CARD10: variants seen among roughly 807,000 people sequenced by gnomAD.
CARD10 encodes the protein caspase recruitment domain-containing protein 10.
CARD10 carries 49 observed loss-of-function variants against 114.6 expected under a neutral mutation model. The ratio of observed to expected loss-of-function variants is 0.43; its 90% CI spans 0.34 to 0.54. The LOEUF is 0.54. Among genes scored for constraint, CARD10 ranks in the 20% least tolerant of loss-of-function variants. CARD10 has a pLI of 0.03. For synonymous variants in CARD10, 602 were observed against 593.2 expected (o/e 1.01, Z -0.21); for missense variants, 1,206 against 1,397.2 (o/e 0.86, Z 2.18).
At chr22:37,517,716 G>A (rs1346769439) in intron 2 of CARD10, among the ~76,000 whole-genome samples, 1 of 152,170 alleles carries the variant, frequency 6.6e-6, no homozygotes, top group Admixed American at 6.5e-5. Flanking sequence ...GTGTATGTCA[G>A]ACATATGTCT....
At chr22:37,509,051 AC>A in intron 4 of CARD10, 1 of 1,549,602 alleles carries the variant, frequency 6.5e-7, no homozygotes, top group Non-Finnish European at 8.7e-7. Flanking sequence ...ACCTACTCCC[AC>A]CCCCATGACT....
rs986821591 is a variant in CARD10 at position 37,501,741 on chromosome 22, A to G, written c.1787+861T>C. Among the ~76,000 whole-genome samples the G allele has an allele frequency of 6.6e-6, 1 of 152,230 alleles. No individual in the cohort carries two copies. Among genetic ancestry groups the G allele is most frequent in the Non-Finnish European group, 1.5e-5 (1 of 68,040 alleles). ...GCCCCAGTTACCTCCTCTATGGAGC[A>G]GAGATAATCGTCATTATGCCTACTC... On this transcript the variant is annotated intron_variant, in intron 11 of 19. Coordinates refer to ENST00000251973, the MANE Select transcript of CARD10 (RefSeq NM_014550.4). This position sits in a 1 kb window ranked among gnomAD's most constrained non-coding sequence, Gnocchi z 5.4.
Position 37,519,322 on chromosome 22 carries a change from C to T in CARD10, c.-122G>A. 1 of 1,340,158 alleles carries T rather than the reference C, an allele frequency of 7.5e-7. No individual in the cohort carries two copies. Among genetic ancestry groups the T allele is most frequent in the South Asian group, 1.9e-5 (1 of 53,206 alleles). 83.0% of individuals were successfully genotyped at this position (1,340,158 alleles called of 1,614,324 possible). A position where few individuals can be genotyped will look rare whatever the true frequency, so the allele number is the denominator to read the frequency against. On this transcript the variant is annotated 5_prime_UTR_variant, in exon 1 of 20. Coordinates refer to ENST00000251973, the MANE Select transcript of CARD10 (RefSeq NM_014550.4). The surrounding 1 kb of genome is among the most constrained non-coding windows in gnomAD (Gnocchi z 4.1). ...CGCAGACCCGCCGTCGGGGGCGCGC[C>T]CCGAGCTCCCCGCGACTCACCCCGC...
At chr22:37,500,701 C>A (rs1206381579) in intron 11 of CARD10, among the ~76,000 whole-genome samples, 1 of 152,176 alleles carries the variant, frequency 6.6e-6, no homozygotes, top group Non-Finnish European at 1.5e-5. Flanking sequence ...CAACCAGCTC[C>A]GAGGGGCCTG....
At chr22:37,510,851 CT>C (rs1463116037) in intron 3 of CARD10, among the ~76,000 whole-genome samples, 2 of 151,892 alleles carry the variant, frequency 1.3e-5, no homozygotes, top group Non-Finnish European at 2.9e-5. Flanking sequence ...GAGGCGGGCC[CT>C]CAGTGGATCA....
intron 4 of CARD10, 193 bp from the exon 5 acceptor site, chr22:37,508,875 C>G (rs957377727): frequency 4.0e-6 from 5 of 1,258,770 alleles, no homozygotes; most frequent in Non-Finnish European, 5.5e-6. Context: ...CAAGCCCTAC[C>G]CACCCTCCAG....
chr22:37,515,541 C>G (rs1569168145), intron 3 of CARD10, among the ~76,000 whole-genome samples: 1 of 125,008 alleles, frequency 8.0e-6, no homozygotes, highest in East Asian at 2.4e-4. Flanking sequence ...CCAGCCTGGG[C>G]AACAAGGGTG....
Position 37,505,516 on chromosome 22 carries a change from C to CA in CARD10, c.1383+675dup, listed in dbSNP as rs1170306809. The stretch of plus-strand genomic sequence containing the variant: ...GAAACCCCCATCCCTACTGAAAATA[C>CA]AAAAAAAAACTTAGCTGGGTATGGT... On this transcript the variant is annotated intron_variant, in intron 7 of 19. Transcript: ENST00000251973. Among the ~76,000 whole-genome samples, 14 of 148,534 alleles carry CA rather than the reference C, an allele frequency of 9.4e-5. No homozygotes were observed. The East Asian group carries it at 1.2e-3, about 13-fold the overall frequency.
chr22:37,492,443 C>A lies in CARD10; in HGVS notation c.2743G>T (p.Val915Phe). ...GSRIRAIQES[V>F]GKKHCLLELG... is the part of the protein sequence containing the mutation. ...CAGCCCCCAGCACCCACCTTCCCAA[C>A]AGACTCCTGGATGGCCCGGATCCTG... Residue 915 changes from valine to phenylalanine, a missense_variant, in exon 18 of 20, where the codon GTT becomes TTT. Physicochemically the swap from Val to Phe is conservative, Grantham distance 50 (BLOSUM62 -1). This residue lies in a region of CARD10 where 1,068 missense variants were observed against 1,179.1 expected (regional missense o/e 0.91). Transcript: ENST00000251973. The surrounding 1 kb of genome is among the most constrained non-coding windows in gnomAD (Gnocchi z 5.7). The A allele has an allele frequency of 6.4e-7, 1 of 1,565,230 alleles. No individual in the cohort carries two copies. The highest frequency in any genetic ancestry group is 8.7e-7 in the Non-Finnish European group (1 of 1,154,446).
At chr22:37,510,640 C>T in intron 3 of CARD10, 1 of 562,516 alleles carries the variant, frequency 1.8e-6, no homozygotes, top group Non-Finnish European at 3.2e-6. Context: ...AGGCCAAGGA[C>T]ACCCTCCCAG....
chr22:37,518,815 G>A, intron 1 of CARD10, 151 bp downstream of exon 1: 1 of 925,464 alleles, frequency 1.1e-6, no homozygotes. Flanking sequence ...GAGGAGGCAG[G>A]CTGGTGGGCA....
intron 5 of CARD10, 130 bp from the exon 6 acceptor site, chr22:37,508,084 G>T: frequency 2.8e-6 from 3 of 1,077,136 alleles, no homozygotes; most frequent in Non-Finnish European, 4.1e-6. Flanking sequence ...GTCCCCTCCT[G>T]CCCAGTGGAG....
chr22:37,516,320 C>T, intron 2 of CARD10, 22 bp from the exon 3 acceptor site: 4 of 1,520,724 alleles, frequency 2.6e-6, no homozygotes, highest in Non-Finnish European at 3.5e-6. Context: ...GAACAGGGGA[C>T]AGAATAGGCA....
rs1601808103 is a variant in CARD10 at position 37,494,433 on chromosome 22, G to A, written c.2374-245C>T. On this transcript the variant is annotated intron_variant, in intron 15 of 19. Transcript: ENST00000251973. ...TGGCCCCCGGGAAGCCAGCCCGTCT[G>A]AGCCTGGTGGAGGAGCCTTAGGTAT... The A allele has an allele frequency of 1.4e-5, 8 of 567,114 alleles. No homozygotes were observed. The East Asian group carries it at 1.8e-4, about 13-fold the overall frequency. 35.1% of individuals were successfully genotyped at this position (567,114 alleles called of 1,614,324 possible).
At chr22:37,518,904 G>C in intron 1 of CARD10, 62 bp downstream of exon 1, 3 of 1,462,494 alleles carry the variant, frequency 2.1e-6, no homozygotes, top group Middle Eastern at 2.0e-4. Flanking sequence ...ACACGGCTGT[G>C]GGCGCTGCGC....
intron 11 of CARD10, among the ~76,000 whole-genome samples, chr22:37,497,584 C>A (rs1209366265): frequency 1.3e-5 from 2 of 152,188 alleles, no homozygotes; most frequent in African/African-American, 4.8e-5. Flanking sequence ...TGTTATATAG[C>A]CAAGCACGGT....
intron 19 of CARD10, 83 bp downstream of exon 19, chr22:37,491,672 G>C (rs1258505368): frequency 4.6e-6 from 3 of 653,444 alleles, no homozygotes; most frequent in Non-Finnish European, 8.0e-6. Flanking sequence ...GAGGGAGAGA[G>C]AGGGGGGAGG....
intron 3 of CARD10, among the ~76,000 whole-genome samples, chr22:37,511,081 CAAAAA>C (rs869295765): frequency 3.3e-4 from 30 of 92,064 alleles, no homozygotes; most frequent in Middle Eastern, 5.8e-3. Context: ...GACTCTGTCT[CAAAAA>C]AAAAAAAAAA....
chr22:37,514,849 C>T (rs1372340305), intron 3 of CARD10: 1 of 152,304 alleles, frequency 6.6e-6, no homozygotes, highest in African/African-American at 2.4e-5. Context: ...TGGAACAACG[C>T]CCTGTGGCAG....
Sources: allele counts gnomAD v4.1 joint callset (sites outside exome capture counted in the v4.1 genomes callset), GRCh38; gene constraint gnomAD v4.1.1; regional missense constraint gnomAD v4.1.1; non-coding constraint Gnocchi (gnomAD v3.1); transcripts MANE v1.5; gene names NCBI Gene and HGNC (gene_info 2026-07-23, HGNC 2026-07-21).